The following RNLS variants were observed in gnomAD, a reference collection of about 807,000 sequenced individuals.
RNLS encodes renalase, FAD dependent amine oxidase.
A neutral mutation model predicts 39.8 loss-of-function variants in RNLS; 39 were observed. That is an observed-to-expected ratio of 0.98 (90% CI 0.76 to 1.28). The LOEUF (loss-of-function observed/expected upper bound fraction) is 1.28, where lower values mean the gene tolerates loss of function less well. Among genes scored for constraint, RNLS ranks in the 50% most tolerant of loss-of-function variants. The pLI, the probability that RNLS is intolerant of heterozygous loss-of-function variation, is 0.00. For missense variants in RNLS, 410 were observed against 413.3 expected (o/e 0.99, Z 0.07); for synonymous variants, 147 against 150.7 (o/e 0.98, Z 0.18).
chr10:88,575,155 TATATACACAC>T (rs367776961), intron 3 of RNLS, among the ~76,000 whole-genome samples: 21,327 of 60,314 alleles, frequency 0.35, 2,002 homozygotes, highest in East Asian at 0.48. Context: ...TATATATATA[TATATACACAC>T]ACACACACAC....
chr10:88,569,789 C>G (rs930826148), intron 4 of RNLS, among the ~76,000 whole-genome samples: 1 of 151,984 alleles, frequency 6.6e-6, no homozygotes, highest in Non-Finnish European at 1.5e-5. Flanking sequence ...CACATGTTCA[C>G]CTACGTAACA....
At chr10:88,230,510 C>T in the RNLS span, among the ~76,000 whole-genome samples, 1 of 152,144 alleles carries the variant, frequency 6.6e-6, no homozygotes, top group Non-Finnish European at 1.5e-5. Flanking sequence ...CTTCTTCCCC[C>T]TCCAATGCAT....
the RNLS span, among the ~76,000 whole-genome samples, chr10:88,261,341 C>T: frequency 6.6e-6 from 1 of 152,180 alleles, no homozygotes; most frequent in Non-Finnish European, 1.5e-5. Context: ...TCAGGAGAGG[C>T]TTAGTTATGC....
intron 4 of RNLS, among the ~76,000 whole-genome samples, chr10:88,498,652 T>C (rs939604356): frequency 1.3e-5 from 2 of 151,580 alleles, no homozygotes; most frequent in Non-Finnish European, 1.5e-5. Flanking sequence ...GTCCTATGCA[T>C]GGTTATTTAT....
the RNLS span, among the ~76,000 whole-genome samples, chr10:88,197,310 T>G: frequency 6.6e-6 from 1 of 152,238 alleles, no homozygotes; most frequent in Non-Finnish European, 1.5e-5. Context: ...TGTTTTCTTT[T>G]AGCATTGGTG....
At chr10:88,424,158 C>T (rs1182057534) in intron 4 of RNLS, among the ~76,000 whole-genome samples, 1 of 152,164 alleles carries the variant, frequency 6.6e-6, no homozygotes, top group Non-Finnish European at 1.5e-5. Context: ...AACTGAAGGT[C>T]CATGAATGCT....
chr10:88,219,911 C>T, the RNLS span, among the ~76,000 whole-genome samples: 1 of 152,184 alleles, frequency 6.6e-6, no homozygotes, highest in East Asian at 1.9e-4. Flanking sequence ...GATCTGAGCC[C>T]ACCCTTCAGG....
intron 5 of RNLS, among the ~76,000 whole-genome samples, chr10:88,328,964 T>C (rs949965000): frequency 6.6e-6 from 1 of 152,188 alleles, no homozygotes; most frequent in Non-Finnish European, 1.5e-5. Flanking sequence ...TTGTGAAATA[T>C]AATTTTTCTT....
At chr10:88,263,595 T>C in the RNLS span, among the ~76,000 whole-genome samples, 1 of 152,028 alleles carries the variant, frequency 6.6e-6, no homozygotes, top group Non-Finnish European at 1.5e-5. Flanking sequence ...CAACCCAAAA[T>C]TGTTTTACTT....
chr10:88,329,866 A>G (rs558392644), intron 5 of RNLS, among the ~76,000 whole-genome samples: 98 of 151,788 alleles, frequency 6.5e-4, no homozygotes, highest in Non-Finnish European at 1.3e-3. Context: ...TCAAATCTGC[A>G]TGATCAATTT....
At chr10:88,378,406 C>T (rs913520806) in intron 4 of RNLS, among the ~76,000 whole-genome samples, 4 of 152,266 alleles carry the variant, frequency 2.6e-5, no homozygotes, top group Middle Eastern at 3.4e-3. Context: ...CAAGGCACGT[C>T]ATAGAAACCA....
the RNLS span, among the ~76,000 whole-genome samples, chr10:88,246,550 G>GTTT: frequency 6.7e-6 from 1 of 148,790 alleles, no homozygotes; most frequent in African/African-American, 2.5e-5. Context: ...GAGTTTTGTT[G>GTTT]TTTTTTTTTT....
intron 6 of RNLS, among the ~76,000 whole-genome samples, chr10:88,291,279 G>T (rs1303031579): frequency 6.6e-6 from 1 of 152,190 alleles, no homozygotes; most frequent in Non-Finnish European, 1.5e-5. Context: ...AGCATTGCTG[G>T]TTTAAACACT....
At chr10:88,180,144 TC>T in the RNLS span, among the ~76,000 whole-genome samples, 1 of 152,240 alleles carries the variant, frequency 6.6e-6, no homozygotes, top group Non-Finnish European at 1.5e-5. Context: ...GCAAATTGTT[TC>T]GTTTATAAGA....
At chr10:88,330,532 A>G (rs1156302240) in intron 5 of RNLS, among the ~76,000 whole-genome samples, 1 of 152,138 alleles carries the variant, frequency 6.6e-6, no homozygotes, top group East Asian at 1.9e-4. Context: ...ATCAGAAACT[A>G]AAATTCTTAG....
chr10:88,180,673 C>A, the RNLS span, among the ~76,000 whole-genome samples: 1 of 152,108 alleles, frequency 6.6e-6, no homozygotes, highest in South Asian at 2.1e-4. Context: ...AATCCCCAAC[C>A]TCAGAAATAA....
chr10:88,426,980 A>G (rs958800271), intron 4 of RNLS, among the ~76,000 whole-genome samples: 3 of 152,030 alleles, frequency 2.0e-5, no homozygotes, highest in Non-Finnish European at 4.4e-5. Context: ...AATTACATAA[A>G]CAGGAAATGG....
chr10:88,479,783 T>C (rs1308531117), intron 4 of RNLS, among the ~76,000 whole-genome samples: 1 of 130,920 alleles, frequency 7.6e-6, no homozygotes, highest in Admixed American at 8.3e-5. Context: ...GGACTTTCTT[T>C]TCTTTTTTTC....
At chr10:88,440,805 T>C (rs894123377) in intron 4 of RNLS, among the ~76,000 whole-genome samples, 10 of 152,216 alleles carry the variant, frequency 6.6e-5, no homozygotes, top group African/African-American at 2.2e-4. Flanking sequence ...CAGGACAGTA[T>C]GACCCTGCCT....
Sources: gnomAD v4.1 joint callset for allele counts (sites outside exome capture counted in the v4.1 genomes callset) on GRCh38, gnomAD v4.1.1 for gene constraint, MANE v1.5 for transcripts, NCBI Gene and HGNC (gene_info 2026-07-23, HGNC 2026-07-21) for gene names.